Variants in GRM1 observed in about 807,000 individuals in gnomAD.
GRM1 encodes glutamate metabotropic receptor 1, also known as metabotropic glutamate receptor 1.
GRM1 carries 33 observed loss-of-function variants against 90.9 expected under a neutral mutation model. The ratio of observed to expected loss-of-function variants is 0.36; its 90% CI spans 0.28 to 0.49. GRM1 has a LOEUF of 0.49. GRM1 is among the 20% of genes least tolerant of loss of function. The probability of loss-of-function intolerance (pLI) is 0.99; values close to 1 mark genes in which losing one functional copy is unlikely to be tolerated. For missense variants in GRM1, 1,190 were observed against 1,534.3 expected (o/e 0.78, Z 3.75); for synonymous variants, 700 against 613.2 (o/e 1.14, Z -2.09).
At chr6:146,345,387 A>G (rs1163184597) in intron 3 of GRM1, among the ~76,000 whole-genome samples, 2 of 152,216 alleles carry the variant, frequency 1.3e-5, no homozygotes, top group African/African-American at 4.8e-5. Flanking sequence ...TGTTAATGCC[A>G]TATAACATTT....
At chr6:146,140,477 C>T (rs914200120) in intron 1 of GRM1, among the ~76,000 whole-genome samples, 2 of 152,032 alleles carry the variant, frequency 1.3e-5, no homozygotes, top group African/African-American at 4.8e-5. Context: ...CCATGATTGC[C>T]AGGCTGGTCT....
At chr6:146,344,848 G>T (rs772137290) in intron 3 of GRM1, among the ~76,000 whole-genome samples, 30 of 151,122 alleles carry the variant, frequency 2.0e-4, no homozygotes, top group Non-Finnish European at 3.5e-4. Context: ...TTTCACTCTT[G>T]TTGCCCAGGC....
At chr6:146,210,103 G>C (rs1779638822) in intron 2 of GRM1, among the ~76,000 whole-genome samples, 1 of 152,130 alleles carries the variant, frequency 6.6e-6, no homozygotes, top group Non-Finnish European at 1.5e-5. Flanking sequence ...TATCATAGGA[G>C]TCTCTTGGCT....
At chr6:146,067,801 A>C (rs1030740704) in intron 1 of GRM1, among the ~76,000 whole-genome samples, 9 of 152,236 alleles carry the variant, frequency 5.9e-5, no homozygotes, top group African/African-American at 1.7e-4. Flanking sequence ...TCAAGTTATT[A>C]TGCAAATAAT....
chr6:146,265,957 G>A (rs966706441), intron 2 of GRM1, among the ~76,000 whole-genome samples: 3 of 152,182 alleles, frequency 2.0e-5, no homozygotes, highest in Non-Finnish European at 2.9e-5. Context: ...TTGGGAGGCC[G>A]AGGTGGGCGG....
In GRM1 at chr6:146,029,451, C is replaced by G. The variant is rs1790630175; in HGVS notation, c.-67C>G. 4.6e-6 allele frequency: 6 copies of G among 1,300,792 alleles called. No individual in the cohort carries two copies. The African/African-American group carries it at 8.7e-5, about 19-fold the overall frequency. 80.6% of individuals were successfully genotyped at this position (1,300,792 alleles called of 1,614,324 possible). A position where few individuals can be genotyped will look rare whatever the true frequency, so the allele number is the denominator to read the frequency against. On this transcript the variant is annotated 5_prime_UTR_variant, in exon 1 of 8. Transcript: ENST00000282753. ...GCGCTGGGCGTCTTGGGGGTGCGCG[C>G]CGGGAGCCTGCAGCGGGACCAGCGT...
chr6:146,357,714 T>G lies in GRM1; in HGVS notation c.1602+20T>G. 6.2e-7 allele frequency: 1 copy of G among 1,604,294 alleles called. No individual in the cohort carries two copies. On this transcript the variant is annotated intron_variant, in intron 5 of 7. Transcript: ENST00000282753. The stretch of plus-strand genomic sequence containing the variant: ...ATTAAGGTAAGCCACAAATGCATTC[T>G]TGCATGGTATCTGTGAGGAGGTTGG...
intron 1 of GRM1, among the ~76,000 whole-genome samples, chr6:146,155,766 C>T (rs1171285097): frequency 6.6e-6 from 1 of 152,194 alleles, no homozygotes; most frequent in African/African-American, 2.4e-5. Flanking sequence ...AACTTCATCT[C>T]TTCTCACTTT....
Position 146,052,500 on chromosome 6 carries a change from A to T in GRM1, c.700+22283A>T, listed in dbSNP as rs566211385. ...TGGGGAGTTAGGGAGAGAAAGGGGT[A>T]AAGAGTGTGTCTAGCATTGCAAATG... On this transcript the variant is annotated intron_variant, in intron 1 of 7. Coordinates refer to ENST00000282753, the MANE Select transcript of GRM1 (RefSeq NM_001278064.2). Among the ~76,000 whole-genome samples, 14 of 152,048 alleles carry T rather than the reference A, an allele frequency of 9.2e-5. No individual in the cohort carries two copies. The East Asian group carries it at 2.7e-3, about 30-fold the overall frequency.
chr6:146,239,618 A>G (rs1303527836), intron 2 of GRM1, among the ~76,000 whole-genome samples: 2 of 152,150 alleles, frequency 1.3e-5, no homozygotes, highest in Admixed American at 6.6e-5. Flanking sequence ...CTAGAACCTG[A>G]AAGAAAGAAG....
rs1776351604 is a variant in GRM1 at position 146,081,135 on chromosome 6, A to G, written c.700+50918A>G. Among the ~76,000 whole-genome samples, 4 of 152,356 alleles carry G rather than the reference A, an allele frequency of 2.6e-5. No individual in the cohort carries two copies. The South Asian group carries it at 8.3e-4, about 32-fold the overall frequency. On this transcript the variant is annotated intron_variant, in intron 1 of 7. Transcript: ENST00000282753. The stretch of plus-strand genomic sequence containing the variant: ...TGTGGAGTCTCCAAAGTACTTGGAA[A>G]TAAAAGGGCATCTTGACTGCAACTT...
chr6:146,115,804 C>A (rs1775720840), intron 1 of GRM1, among the ~76,000 whole-genome samples: 1 of 151,994 alleles, frequency 6.6e-6, no homozygotes, highest in Admixed American at 6.6e-5. Flanking sequence ...CATTTCAGTT[C>A]TAGTTGGTTT....
intron 2 of GRM1, among the ~76,000 whole-genome samples, chr6:146,211,522 GTGACT>G (rs1779687396): frequency 6.6e-6 from 1 of 152,116 alleles, no homozygotes; most frequent in Admixed American, 6.5e-5. Flanking sequence ...TGATTATCCG[GTGACT>G]TTTTGTTATA....
intron 2 of GRM1, among the ~76,000 whole-genome samples, chr6:146,223,795 C>G (rs907525748): frequency 2.6e-5 from 4 of 152,070 alleles, no homozygotes; most frequent in Admixed American, 6.6e-5. Flanking sequence ...TCTTCATACA[C>G]CACATGCACA....
At chr6:146,414,308 C>T (rs150288779) in intron 7 of GRM1, among the ~76,000 whole-genome samples, 1 of 151,698 alleles carries the variant, frequency 6.6e-6, no homozygotes, top group East Asian at 1.9e-4. Context: ...TGTTTATTGG[C>T]CATCTATATA....
chr6:146,375,733 C>T (rs1379576857), intron 5 of GRM1, among the ~76,000 whole-genome samples: 2 of 151,990 alleles, frequency 1.3e-5, no homozygotes, highest in Non-Finnish European at 2.9e-5. Flanking sequence ...TCTCCATTAG[C>T]ACGGATTATC....
At chr6:146,206,546 T>C (rs889806307) in intron 2 of GRM1, among the ~76,000 whole-genome samples, 2 of 152,192 alleles carry the variant, frequency 1.3e-5, no homozygotes, top group African/African-American at 4.8e-5. Flanking sequence ...TCTGTCTCTC[T>C]GTCTCTTTCT....
intron 5 of GRM1, among the ~76,000 whole-genome samples, chr6:146,377,467 C>T (rs1308141314): frequency 6.6e-6 from 1 of 152,032 alleles, no homozygotes; most frequent in Non-Finnish European, 1.5e-5. Flanking sequence ...ATGTCCTTGC[C>T]CCAGAGACCT....
chr6:146,389,180 C>T (rs1415460936), intron 6 of GRM1, among the ~76,000 whole-genome samples: 1 of 152,066 alleles, frequency 6.6e-6, no homozygotes, highest in East Asian at 1.9e-4. Flanking sequence ...AGTCATTCCA[C>T]TCATCTGTTT....
Sources: gnomAD v4.1 joint callset for allele counts (sites outside exome capture counted in the v4.1 genomes callset) on GRCh38, gnomAD v4.1.1 for gene constraint, MANE v1.5 for transcripts, NCBI Gene and HGNC (gene_info 2026-07-23, HGNC 2026-07-21) for gene names.